Variants in DNAJB6 observed in about 807,000 individuals in gnomAD.
DNAJB6 encodes dnaJ homolog subfamily B member 6.
DNAJB6 carries 16 observed loss-of-function variants against 42.7 expected under a neutral mutation model. The ratio of observed to expected loss-of-function variants is 0.37; its 90% CI spans 0.25 to 0.57. The LOEUF (loss-of-function observed/expected upper bound fraction) is 0.57. DNAJB6 is among the 20% of genes least tolerant of loss of function. The pLI is 0.74. For missense variants in DNAJB6, 347 were observed against 416.8 expected (o/e 0.83, Z 1.46); for synonymous variants, 170 against 163.5 (o/e 1.04, Z -0.30).
chr7:157,404,955 A>G (rs1795707595), intron 8 of DNAJB6, among the ~76,000 whole-genome samples: 1 of 152,208 alleles, frequency 6.6e-6, no homozygotes, highest in Non-Finnish European at 1.5e-5. Context: ...TGTTTTTAAA[A>G]GGATTGGTGT....
intron 8 of DNAJB6, among the ~76,000 whole-genome samples, chr7:157,393,252 C>T (rs538043114): frequency 2.0e-5 from 3 of 152,190 alleles, no homozygotes; most frequent in Admixed American, 6.5e-5. Flanking sequence ...GCTGGGATTA[C>T]AGGTGTGAGC....
chr7:157,401,365 G>A (rs760889040), intron 8 of DNAJB6, among the ~76,000 whole-genome samples: 87 of 152,186 alleles, frequency 5.7e-4, no homozygotes, highest in Middle Eastern at 3.4e-3. Flanking sequence ...ACAGGCACGC[G>A]CCACCACACC....
chr7:157,371,163 C>G (rs1800190601), intron 5 of DNAJB6, among the ~76,000 whole-genome samples: 1 of 152,226 alleles, frequency 6.6e-6, no homozygotes, highest in African/African-American at 2.4e-5. Flanking sequence ...TCCCCCTACC[C>G]CAACCCATCA....
intron 1 of DNAJB6, among the ~76,000 whole-genome samples, chr7:157,348,096 T>G (rs1284074426): frequency 6.6e-6 from 1 of 150,760 alleles, no homozygotes. Context: ...ATGCCTGGCC[T>G]TATTTTATTT....
intron 9 of DNAJB6, chr7:157,412,282 T>G (rs1796000984): frequency 6.6e-6 from 1 of 152,116 alleles, no homozygotes; most frequent in African/African-American, 2.4e-5. Context: ...ACTCACCAAC[T>G]CCGGTGTCAG....
At chr7:157,409,481 C>T (rs536960924) in intron 8 of DNAJB6, among the ~76,000 whole-genome samples, 12 of 152,342 alleles carry the variant, frequency 7.9e-5, no homozygotes, top group African/African-American at 2.9e-4. Context: ...CAGCCCTGAC[C>T]GTGATTTCAG....
chr7:157,349,874 C>G (rs749507738), intron 1 of DNAJB6, among the ~76,000 whole-genome samples: 6 of 152,158 alleles, frequency 3.9e-5, no homozygotes, highest in Non-Finnish European at 8.8e-5. Flanking sequence ...AACTCCTGGC[C>G]TCAGGTGATC....
At chr7:157,344,953 T>C (rs1449563849) in intron 1 of DNAJB6, among the ~76,000 whole-genome samples, 1 of 152,114 alleles carries the variant, frequency 6.6e-6, no homozygotes, top group African/African-American at 2.4e-5. Flanking sequence ...ACTGTCACTT[T>C]TATTTTATCA....
At chr7:157,353,014 A>G (rs1799074215) in intron 1 of DNAJB6, among the ~76,000 whole-genome samples, 1 of 152,176 alleles carries the variant, frequency 6.6e-6, no homozygotes, top group Non-Finnish European at 1.5e-5. Context: ...TAGGTTTTAA[A>G]TTCAATTCAG....
At chr7:157,388,871 C>T (rs903566951) in intron 8 of DNAJB6, among the ~76,000 whole-genome samples, 1 of 152,120 alleles carries the variant, frequency 6.6e-6, no homozygotes, top group African/African-American at 2.4e-5. Flanking sequence ...TGGATTATTC[C>T]TTATATTTCT....
chr7:157,384,461 C>T (rs145670876), intron 6 of DNAJB6, among the ~76,000 whole-genome samples: 146 of 152,244 alleles, frequency 9.6e-4, no homozygotes, highest in African/African-American at 3.4e-3. Flanking sequence ...GAGCTTGATA[C>T]CGAGGCTGCT....
At chr7:157,337,480 T>TGGGGCTCGGCGGGGGCTCGGCG (rs879915331) in intron 1 of DNAJB6, 23 of 151,602 alleles carry the variant, frequency 1.5e-4, no homozygotes, top group Non-Finnish European at 3.0e-4. Flanking sequence ...GGGGCTCGGC[T>TGGGGCTCGGCGGGGGCTCGGCG]GGGGCTCGGC....
intron 5 of DNAJB6, chr7:157,369,577 G>A (rs1230440160): frequency 9.2e-6 from 3 of 327,500 alleles, no homozygotes; most frequent in Non-Finnish European, 1.8e-5. Context: ...TTATTAAACA[G>A]GCCGTTTCTC....
At chr7:157,382,775 T>A (rs762219659) in intron 6 of DNAJB6, 3 of 154,598 alleles carry the variant, frequency 1.9e-5, no homozygotes, top group Non-Finnish European at 2.9e-5. Flanking sequence ...TCCCACTGGA[T>A]GGAATCGAAG....
intron 8 of DNAJB6, among the ~76,000 whole-genome samples, chr7:157,408,908 G>T (rs577520749): frequency 7.8e-4 from 118 of 152,200 alleles, no homozygotes; most frequent in Non-Finnish European, 1.3e-3. Flanking sequence ...CTCGGGGCCC[G>T]AAGTGCTGGG....
chr7:157,370,088 A>T (rs1318347820), intron 5 of DNAJB6, among the ~76,000 whole-genome samples: 1 of 148,536 alleles, frequency 6.7e-6, no homozygotes, highest in Non-Finnish European at 1.5e-5. Flanking sequence ...CCTTCTTAAC[A>T]TTATTATTAA....
At chr7:157,349,394 C>G (rs904010037) in intron 1 of DNAJB6, among the ~76,000 whole-genome samples, 1 of 152,226 alleles carries the variant, frequency 6.6e-6, no homozygotes, top group Admixed American at 6.5e-5. Context: ...GTGACCCTCC[C>G]TTCCCTTGAG....
At chr7:157,341,047 C>G (rs1035450218) in intron 1 of DNAJB6, among the ~76,000 whole-genome samples, 1 of 151,884 alleles carries the variant, frequency 6.6e-6, no homozygotes, top group Admixed American at 6.6e-5. Flanking sequence ...GTCTCGAACT[C>G]CTGGCCTCAA....
chr7:157,345,181 A>G (rs1346362930), intron 1 of DNAJB6, among the ~76,000 whole-genome samples: 1 of 151,440 alleles, frequency 6.6e-6, no homozygotes, highest in African/African-American at 2.4e-5. Context: ...TTTTGTAGAG[A>G]CAGGATTTCA....
Sources: allele counts gnomAD v4.1 joint callset (sites outside exome capture counted in the v4.1 genomes callset), GRCh38; gene constraint gnomAD v4.1.1; transcripts MANE v1.5; gene names NCBI Gene and HGNC (gene_info 2026-07-23, HGNC 2026-07-21).